Variants in ODAD2 observed in about 807,000 individuals in gnomAD.
The protein encoded by ODAD2 is outer dynein arm-docking complex subunit 2.
In ODAD2, 89 loss-of-function variants were observed where a neutral mutation model predicts 106.8. The ratio of observed to expected loss-of-function variants is 0.83; its 90% CI spans 0.70 to 0.99. The LOEUF (loss-of-function observed/expected upper bound fraction) is 0.99, where lower values mean the gene tolerates loss of function less well. Ranked by LOEUF, ODAD2 falls within the 50% of genes least tolerant of loss-of-function variation. The probability of loss-of-function intolerance (pLI) is 0.00; values close to 1 mark genes in which losing one functional copy is unlikely to be tolerated. For synonymous variants in ODAD2, 404 were observed against 436.2 expected (o/e 0.93, Z 0.92); for missense variants, 1,168 against 1,238.5 (o/e 0.94, Z 0.85).
At chr10:27,905,790 G>A (rs900007531) in intron 17 of ODAD2, among the ~76,000 whole-genome samples, 1 of 152,170 alleles carries the variant, frequency 6.6e-6, no homozygotes, top group Non-Finnish European at 1.5e-5. Flanking sequence ...TTAATAAGTG[G>A]TGTTGGGAAA....
At chr10:27,858,803 A>ATTTT (rs9299592) in intron 19 of ODAD2, among the ~76,000 whole-genome samples, 2,950 of 128,722 alleles carry the variant, frequency 0.023, 177 homozygotes, top group African/African-American at 0.081. Context: ...ACCTTAGTAC[A>ATTTT]TTTTTTTTTT....
At chr10:27,882,221 G>GAAAGAAAGAAAGA (rs1331998806) in intron 17 of ODAD2, among the ~76,000 whole-genome samples, 16 of 150,848 alleles carry the variant, frequency 1.1e-4, no homozygotes, top group African/African-American at 3.9e-4. Context: ...AAGAAAGAAA[G>GAAAGAAAGAAAGA]AAAGAAAGAA....
chr10:27,942,153 T>C (rs1312448803), intron 12 of ODAD2, among the ~76,000 whole-genome samples: 3 of 152,212 alleles, frequency 2.0e-5, no homozygotes, highest in Non-Finnish European at 4.4e-5. Flanking sequence ...GTGACTGTTT[T>C]GGAATTGCAT....
chr10:27,813,203 T>A (rs1835874284), intron 19 of ODAD2: 2 of 152,260 alleles, frequency 1.3e-5, no homozygotes. Flanking sequence ...ACTGATGCTA[T>A]CCCCTATCTA....
At chr10:27,821,053 T>A (rs1217846243) in intron 19 of ODAD2, among the ~76,000 whole-genome samples, 1 of 152,236 alleles carries the variant, frequency 6.6e-6, no homozygotes, top group African/African-American at 2.4e-5. Context: ...TTGCTGGGAT[T>A]ATAGGCGTGA....
intron 17 of ODAD2, among the ~76,000 whole-genome samples, chr10:27,870,706 AG>A (rs765557827): frequency 1.3e-5 from 2 of 152,202 alleles, no homozygotes; most frequent in African/African-American, 4.8e-5. Context: ...ATGGCTGCAT[AG>A]TATTACATGA....
intron 3 of ODAD2, among the ~76,000 whole-genome samples, chr10:27,986,568 G>T (rs1344835567): frequency 6.6e-6 from 1 of 152,044 alleles, no homozygotes; most frequent in Non-Finnish European, 1.5e-5. Context: ...CCTGAGGTTA[G>T]CATCTAAAAA....
chr10:27,924,810 T>C (rs1433929951), intron 16 of ODAD2, among the ~76,000 whole-genome samples: 4 of 151,454 alleles, frequency 2.6e-5, no homozygotes, highest in East Asian at 1.9e-4. Flanking sequence ...ATTTCCAAAA[T>C]TGAGCTCAGT....
chr10:27,879,885 C>G (rs1361694565), intron 17 of ODAD2, among the ~76,000 whole-genome samples: 1 of 152,152 alleles, frequency 6.6e-6, no homozygotes, highest in Non-Finnish European at 1.5e-5. Flanking sequence ...CTGCTGTGTA[C>G]CTTTAGCCAA....
intron 3 of ODAD2, among the ~76,000 whole-genome samples, chr10:27,986,340 C>T (rs1849873695): frequency 6.6e-6 from 1 of 152,136 alleles, no homozygotes; most frequent in Non-Finnish European, 1.5e-5. Flanking sequence ...TACCAAAATT[C>T]TTGCAGAAAT....
At chr10:27,967,505 A>G (rs1848559317) in intron 9 of ODAD2, among the ~76,000 whole-genome samples, 1 of 152,146 alleles carries the variant, frequency 6.6e-6, no homozygotes, top group Admixed American at 6.5e-5. Context: ...GTGAAGGCCT[A>G]TGGGAAAACC....
chr10:27,847,380 A>G (rs996475182), intron 19 of ODAD2, among the ~76,000 whole-genome samples: 1 of 152,240 alleles, frequency 6.6e-6, no homozygotes, highest in African/African-American at 2.4e-5. Context: ...ACAGCACTTC[A>G]TGCTAAAAAC....
intron 10 of ODAD2, among the ~76,000 whole-genome samples, chr10:27,948,624 G>GA (rs534207830): frequency 1.0e-3 from 153 of 152,166 alleles, no homozygotes; most frequent in African/African-American, 3.5e-3. Context: ...AGGAGCTGGA[G>GA]AAAATAGAGT....
Position 27,944,415 on chromosome 10 carries a change from A to G in ODAD2, c.1550T>C (p.Ile517Thr), listed in dbSNP as rs922103777. 5 of 1,613,352 alleles carry G rather than the reference A, an allele frequency of 3.1e-6. No individual in the cohort carries two copies. The African/African-American group carries it at 6.7e-5, about 22-fold the overall frequency. ...EVKCKIGSLK[I>T]LKEISHNPQI... is the part of the protein sequence containing the mutation. Reference sequence around the variant, plus strand: ...AGGATTATGACTGATTTCCTTCAGTATTTTTAATGAACCAATCTGTGTGAG... The same window carrying G: ...AGGATTATGACTGATTTCCTTCAGTGTTTTTAATGAACCAATCTGTGTGAG... The change falls in exon 12 of 20, where the codon ATA becomes ACA. Residue 517 changes from isoleucine to threonine, a missense_variant. Ile to Thr is a moderately conservative substitution (Grantham distance 89). Coordinates refer to ENST00000305242, the MANE Select transcript of ODAD2 (RefSeq NM_018076.5).
intron 16 of ODAD2, among the ~76,000 whole-genome samples, chr10:27,913,830 A>G (rs1394425288): frequency 1.3e-5 from 2 of 152,194 alleles, no homozygotes; most frequent in African/African-American, 4.8e-5. Context: ...AAGTCAAAAA[A>G]TAACAGATGC....
At chr10:27,813,532 C>T (rs1835902029) in intron 19 of ODAD2, 1 of 152,102 alleles carries the variant, frequency 6.6e-6, no homozygotes, top group African/African-American at 2.4e-5. Flanking sequence ...AATTAATAAT[C>T]CTGGTAAAAG....
At chr10:27,972,136 C>G (rs1214387646) in intron 7 of ODAD2, among the ~76,000 whole-genome samples, 1 of 152,058 alleles carries the variant, frequency 6.6e-6, no homozygotes, top group Non-Finnish European at 1.5e-5. Context: ...ACAACAATAA[C>G]ACAAAGTATA....
chr10:27,987,314 C>T, intron 3 of ODAD2, 72 bp downstream of exon 3: 1 of 1,410,972 alleles, frequency 7.1e-7, no homozygotes, highest in Non-Finnish European at 9.8e-7. Context: ...AATGATCCTC[C>T]CACCCTTTCC....
intron 19 of ODAD2, among the ~76,000 whole-genome samples, chr10:27,817,313 T>C (rs561711575): frequency 2.0e-5 from 3 of 152,250 alleles, no homozygotes; most frequent in Non-Finnish European, 2.9e-5. Context: ...TCTTTGTTTA[T>C]ACCTCACTTT....
Sources: allele counts gnomAD v4.1 joint callset (sites outside exome capture counted in the v4.1 genomes callset), GRCh38; gene constraint gnomAD v4.1.1; transcripts MANE v1.5; gene names NCBI Gene and HGNC (gene_info 2026-07-23, HGNC 2026-07-21).